Variants in BACH2 observed in about 807,000 individuals in gnomAD.
The protein encoded by BACH2 is transcription regulator protein BACH2.
BACH2 carries 5 observed loss-of-function variants against 61.8 expected under a neutral mutation model. The ratio of observed to expected loss-of-function variants is 0.08; its 90% confidence interval spans 0.04 to 0.17. BACH2 has a LOEUF of 0.17. Ranked by LOEUF, BACH2 falls within the 10% of genes least tolerant of loss-of-function variation. The probability of loss-of-function intolerance (pLI) is 1.00; values close to 1 mark genes in which losing one functional copy is unlikely to be tolerated. For missense variants in BACH2, 824 were observed against 1,091.1 expected, an observed-to-expected ratio of 0.76 and a Z score of 3.45; for synonymous variants, 446 against 440.1, an observed-to-expected ratio of 1.01 and a Z score of -0.17.
intron 4 of BACH2, chr6:90,116,621 A>T (rs1783412106): frequency 4.1e-6 from 1 of 246,608 alleles, no homozygotes; most frequent in Non-Finnish European, 8.5e-6. Context: ...ATAAAAATTA[A>T]AAAAAGAGAA....
intron 6 of BACH2, among the ~76,000 whole-genome samples, chr6:89,967,823 C>T (rs999868472): frequency 3.3e-5 from 5 of 152,180 alleles, no homozygotes; most frequent in African/African-American, 1.2e-4. Context: ...CATCTCTCCT[C>T]TCTCCTGCCC....
chr6:90,288,835 C>T (rs1328344079), intron 1 of BACH2, among the ~76,000 whole-genome samples: 1 of 152,082 alleles, frequency 6.6e-6, no homozygotes, highest in Non-Finnish European at 1.5e-5. Context: ...TAGTTTTTTA[C>T]CTTTTCCTAC....
At chr6:90,278,594 T>C (rs890283100) in intron 1 of BACH2, among the ~76,000 whole-genome samples, 20 of 152,258 alleles carry the variant, frequency 1.3e-4, no homozygotes, top group Admixed American at 5.9e-4. Context: ...TGTGTGATAC[T>C]TATTTTAATC....
At chr6:90,115,274 A>G (rs1388257472) in intron 4 of BACH2, among the ~76,000 whole-genome samples, 1 of 152,086 alleles carries the variant, frequency 6.6e-6, no homozygotes, top group African/African-American at 2.4e-5. Flanking sequence ...TCAAACTACA[A>G]TATAAGGCTA....
chr6:90,011,187 C>A (rs534689755), intron 5 of BACH2, among the ~76,000 whole-genome samples: 7 of 152,272 alleles, frequency 4.6e-5, no homozygotes, highest in African/African-American at 1.7e-4. Flanking sequence ...TTAGCCCTTA[C>A]ATTTAGGTCT....
intron 2 of BACH2, among the ~76,000 whole-genome samples, chr6:90,267,816 TTC>T (rs1771389020): frequency 6.6e-6 from 1 of 152,138 alleles, no homozygotes; most frequent in Admixed American, 6.6e-5. Flanking sequence ...AAAATGTCCC[TTC>T]TCCATGTAAA....
intron 6 of BACH2, among the ~76,000 whole-genome samples, chr6:89,958,334 C>G (rs1774540411): frequency 6.6e-6 from 1 of 152,192 alleles, no homozygotes; most frequent in Non-Finnish European, 1.5e-5. Context: ...GTGTACTATG[C>G]AAGGTCTGGG....
intron 3 of BACH2, among the ~76,000 whole-genome samples, chr6:90,241,416 G>A (rs1316532263): frequency 1.3e-5 from 2 of 152,182 alleles, no homozygotes; most frequent in East Asian, 1.9e-4. Flanking sequence ...AGAGAGTCAC[G>A]TGTGTTCACA....
intron 4 of BACH2, among the ~76,000 whole-genome samples, chr6:90,094,093 T>A (rs970912838): frequency 3.6e-4 from 55 of 152,180 alleles, no homozygotes; most frequent in African/African-American, 1.3e-3. Flanking sequence ...AAAAGAAAAG[T>A]CCGAGGAACC....
chr6:90,014,440 G>GTA (rs1201471150), intron 5 of BACH2, among the ~76,000 whole-genome samples: 1,237 of 47,914 alleles, frequency 0.026, 57 homozygotes, highest in East Asian at 0.077. Context: ...GTGTGTGTGT[G>GTA]TATATATATA....
At chr6:89,933,052 G>T (rs1432927433) in intron 8 of BACH2, among the ~76,000 whole-genome samples, 162 bp from the exon 9 acceptor site, 2 of 152,086 alleles carry the variant, frequency 1.3e-5, no homozygotes, top group East Asian at 1.9e-4. Context: ...TATTCAGGGG[G>T]CCCAGACACA....
At position 90,069,239 on chromosome 6, in the gene BACH2, G is replaced by A. The variant is rs140220810; in HGVS notation, c.-13+19722C>T. 1.8e-4 allele frequency among the ~76,000 whole-genome samples: 28 copies of A among 152,310 alleles called. No homozygotes were observed. In the East Asian group the frequency reaches 4.6e-3, roughly 25 times the overall value. ...CAAGGACTTGGTTCCTGAACACTGAGTGGATGGATGGAAGGATGGATGAGA... is the reference window on the plus strand; with the variant it reads ...CAAGGACTTGGTTCCTGAACACTGAATGGATGGATGGAAGGATGGATGAGA... On this transcript the variant is annotated intron_variant, in intron 5 of 8. Coordinates refer to ENST00000257749, the MANE Select transcript of BACH2 (RefSeq NM_021813.4).
In BACH2 at chr6:89,962,200, G is replaced by A. The variant is rs1450876268; in HGVS notation, c.244-10338C>T. On this transcript the variant is annotated intron_variant, in intron 6 of 8. Coordinates refer to ENST00000257749, the MANE Select transcript of BACH2 (RefSeq NM_021813.4). ...AATCATATTATTCCCCCTGCAGTTT[G>A]GGGGCTTTACTTCATCCAGTCTGGG... Among the ~76,000 whole-genome samples the A allele has an allele frequency of 3.3e-5, 5 of 152,254 alleles. No individual in the cohort carries two copies. The Middle Eastern group carries it at 0.01, about 311-fold the overall frequency.
In BACH2 at chr6:90,014,420, T is replaced by TTGTGTGTGTGTG. The variant is rs764203742; in HGVS notation, c.-12-5576_-12-5565dup. Among the ~76,000 whole-genome samples the TTGTGTGTGTGTG allele has an allele frequency of 5.6e-3, 429 of 76,026 alleles. 6 individuals carry two copies. Among genetic ancestry groups the TTGTGTGTGTGTG allele is most frequent in the Middle Eastern group, 0.02 (2 of 100 alleles). The allele number at this position is 76,026 out of a possible 152,430, so 49.9% of individuals were successfully genotyped here. A position where few individuals can be genotyped will look rare whatever the true frequency, so the allele number is the denominator to read the frequency against. ...AATTGTCAAATTTATTGGCATAAAA[T>TTGTGTGTGTGTG]TGTGTGTGTGTGTGTGTGTGTATAT... On this transcript the variant is annotated intron_variant, in intron 5 of 8. Transcript: ENST00000257749.
chr6:89,951,079 A>G lies in BACH2; in HGVS notation c.1027T>C (p.Ser343Pro). ...ACACTTTTCGTTATGCTGAACAGAG[A>G]CCTTAAGCAGGAGGGCGAGGCCACG... The part of the protein sequence containing the change: ...RSVASPSCLR[S>P]LFSITKSVEL... Residue 343 changes from serine to proline, a missense_variant, in exon 7 of 9, where the codon TCT becomes CCT. This residue lies in a region of BACH2 where 226 missense variants were observed against 228.5 expected (regional missense o/e 0.99). Transcript: ENST00000257749. This position sits in a 1 kb window ranked among gnomAD's most constrained non-coding sequence, Gnocchi z 6.4. 4.3e-6 allele frequency: 7 copies of G among 1,612,212 alleles called. No individual in the cohort carries two copies. Among genetic ancestry groups the G allele is most frequent in the Non-Finnish European group, 5.9e-6 (7 of 1,179,166 alleles).
At chr6:90,247,169 T>A (rs1255847183) in intron 3 of BACH2, among the ~76,000 whole-genome samples, 1 of 152,168 alleles carries the variant, frequency 6.6e-6, no homozygotes, top group Non-Finnish European at 1.5e-5. Flanking sequence ...CTCTTTATAT[T>A]CTCATTTGGA....
At chr6:90,036,162 C>CTT (rs34879571) in intron 5 of BACH2, among the ~76,000 whole-genome samples, 13 of 149,404 alleles carry the variant, frequency 8.7e-5, no homozygotes, top group African/African-American at 1.5e-4. Context: ...TTCTCATCAG[C>CTT]TTTTTTTTTC....
At chr6:90,137,026 T>A (rs1784292893) in intron 4 of BACH2, among the ~76,000 whole-genome samples, 1 of 152,072 alleles carries the variant, frequency 6.6e-6, no homozygotes, top group African/African-American at 2.4e-5. Flanking sequence ...TAGCATGTCA[T>A]GTCATCCTGT....
intron 4 of BACH2, among the ~76,000 whole-genome samples, chr6:90,196,815 G>C (rs925672190): frequency 2.0e-5 from 3 of 151,830 alleles, no homozygotes; most frequent in Non-Finnish European, 4.4e-5. Flanking sequence ...TAAAGTTTGA[G>C]AGTGGTAAGA....
Sources: gnomAD v4.1 joint callset for allele counts (sites outside exome capture counted in the v4.1 genomes callset) on GRCh38, gnomAD v4.1.1 for gene constraint, gnomAD v4.1.1 regional missense constraint, Gnocchi (gnomAD v3.1) non-coding constraint, MANE v1.5 for transcripts, NCBI Gene and HGNC (gene_info 2026-07-23, HGNC 2026-07-21) for gene names.